The following NRXN3 variants were observed in gnomAD, a reference collection of about 807,000 sequenced individuals.
The protein encoded by NRXN3 is neurexin 3, also known as neurexin III.
Under a neutral mutation model 137.6 loss-of-function variants are expected in NRXN3, and 32 were observed. That is an observed-to-expected ratio of 0.23 (90% CI 0.18 to 0.31). The LOEUF is 0.31. Among genes scored for constraint, NRXN3 ranks in the 10% least tolerant of loss-of-function variants. The pLI is 1.00. For missense variants in NRXN3, 1,574 were observed against 2,062.5 expected, an observed-to-expected ratio of 0.76 and a Z score of 4.59; for synonymous variants, 798 against 784.5, an observed-to-expected ratio of 1.02 and a Z score of -0.29.
At chr14:79,740,155 C>T (rs1029582392) in intron 19 of NRXN3, among the ~76,000 whole-genome samples, 6 of 152,120 alleles carry the variant, frequency 3.9e-5, no homozygotes, top group Non-Finnish European at 8.8e-5. Context: ...CTCCTCCCTC[C>T]CCCTTTATAT....
intron 1 of NRXN3, among the ~76,000 whole-genome samples, chr14:78,224,418 C>T (rs2064234875): frequency 6.6e-6 from 1 of 151,984 alleles, no homozygotes; most frequent in South Asian, 2.1e-4. Context: ...AATGCTATCC[C>T]TCCCCACTCG....
intron 15 of NRXN3, among the ~76,000 whole-genome samples, chr14:79,112,898 A>C (rs1001934540): frequency 2.0e-5 from 3 of 152,184 alleles, no homozygotes; most frequent in African/African-American, 7.2e-5. Context: ...ATGATGAAAA[A>C]GATTAGGCAA....
intron 4 of NRXN3, among the ~76,000 whole-genome samples, chr14:78,575,456 G>T (rs914924336): frequency 1.3e-5 from 2 of 152,178 alleles, no homozygotes; most frequent in African/African-American, 4.8e-5. Flanking sequence ...TCATTGTATG[G>T]TTTAAATAGG....
intron 15 of NRXN3, among the ~76,000 whole-genome samples, chr14:79,252,107 T>C (rs558146554): frequency 1.3e-5 from 2 of 152,346 alleles, no homozygotes; most frequent in South Asian, 2.1e-4. Flanking sequence ...ATAGTTACTT[T>C]AGTTGACAGT....
chr14:78,538,126 GT>G (rs1315083093), intron 4 of NRXN3, among the ~76,000 whole-genome samples: 6 of 152,058 alleles, frequency 3.9e-5, no homozygotes, highest in Admixed American at 2.6e-4. Context: ...CTTTAAAGTA[GT>G]TTTTTTCCAA....
intron 15 of NRXN3, among the ~76,000 whole-genome samples, chr14:79,123,392 G>A (rs1196712706): frequency 6.6e-6 from 1 of 152,122 alleles, no homozygotes; most frequent in Non-Finnish European, 1.5e-5. Flanking sequence ...TGGTATGTCT[G>A]CTAGGAAATA....
At chr14:79,453,188 G>A (rs2153589812) in intron 15 of NRXN3, among the ~76,000 whole-genome samples, 1 of 152,224 alleles carries the variant, frequency 6.6e-6, no homozygotes, top group East Asian at 1.9e-4. Flanking sequence ...AGAACTTTGG[G>A]AGGCAGAGGC....
intron 15 of NRXN3, among the ~76,000 whole-genome samples, chr14:79,013,527 T>A (rs1357757434): frequency 3.3e-5 from 5 of 152,204 alleles, no homozygotes; most frequent in Non-Finnish European, 4.4e-5. Context: ...AGCTTTTGTC[T>A]TTGCAATCCT....
chr14:78,490,493 C>T (rs1273188714), intron 4 of NRXN3, among the ~76,000 whole-genome samples: 2 of 152,190 alleles, frequency 1.3e-5, no homozygotes, highest in African/African-American at 2.4e-5. Flanking sequence ...TTTTCTGCAG[C>T]ATCCCTGCTG....
chr14:79,784,959 G>A (rs1369160400), intron 19 of NRXN3, among the ~76,000 whole-genome samples: 10 of 152,236 alleles, frequency 6.6e-5, no homozygotes, highest in Non-Finnish European at 1.2e-4. Context: ...GAAAAACTCT[G>A]CAGGATGAAT....
chr14:78,359,808 G>A (rs1236334159), intron 4 of NRXN3, among the ~76,000 whole-genome samples: 1 of 152,184 alleles, frequency 6.6e-6, no homozygotes, highest in East Asian at 1.9e-4. Flanking sequence ...CCTGGTGTGA[G>A]TCTGTCTATC....
intron 15 of NRXN3, among the ~76,000 whole-genome samples, chr14:79,172,127 G>C (rs763395052): frequency 6.6e-6 from 1 of 151,720 alleles, no homozygotes; most frequent in African/African-American, 2.4e-5. Context: ...CTCTGCATAG[G>C]GAGCAAACAA....
At position 79,338,231 on chromosome 14, in the gene NRXN3, G is replaced by A. The variant is rs868131579; in HGVS notation, c.3263-128990G>A. On this transcript the variant is annotated intron_variant, in intron 15 of 20. Transcript: ENST00000335750. ...TGTGTGTATGTGAGTGTGTGTGTGT[G>A]TGTGTGTGTGTGTGTGTGTGAAGGA... Among the ~76,000 whole-genome samples the A allele has an allele frequency of 1.1e-4, 16 of 151,442 alleles. No individual in the cohort carries two copies. In the South Asian group the frequency reaches 3.3e-3, roughly 32 times the overall value.
intron 4 of NRXN3, among the ~76,000 whole-genome samples, chr14:78,432,826 A>G (rs1025538847): frequency 1.3e-5 from 2 of 152,182 alleles, no homozygotes; most frequent in Non-Finnish European, 2.9e-5. Context: ...AGGAGTGGAG[A>G]AAACTTAGTG....
intron 15 of NRXN3, among the ~76,000 whole-genome samples, chr14:79,183,535 T>A (rs895943186): frequency 2.0e-5 from 3 of 152,234 alleles, no homozygotes; most frequent in African/African-American, 7.2e-5. Context: ...ATCTTGATTA[T>A]ATGCTCATTA....
chr14:78,901,220 A>G (rs2099195049), intron 10 of NRXN3, among the ~76,000 whole-genome samples: 1 of 151,276 alleles, frequency 6.6e-6, no homozygotes, highest in Non-Finnish European at 1.5e-5. Flanking sequence ...GTATTTCTTG[A>G]ACCATTTTTT....
chr14:78,545,365 G>A (rs565014539), intron 4 of NRXN3, among the ~76,000 whole-genome samples: 3 of 152,244 alleles, frequency 2.0e-5, no homozygotes, highest in African/African-American at 7.2e-5. Context: ...TATGATTTCA[G>A]TACATTTTCC....
At chr14:79,658,076 A>G (rs1048603146) in intron 16 of NRXN3, among the ~76,000 whole-genome samples, 12 of 152,206 alleles carry the variant, frequency 7.9e-5, no homozygotes, top group Non-Finnish European at 1.5e-4. Context: ...GCCTACATAA[A>G]ATATGTAATA....
chr14:79,782,206 A>G (rs751820921), intron 19 of NRXN3, among the ~76,000 whole-genome samples: 6 of 152,200 alleles, frequency 3.9e-5, no homozygotes, highest in Non-Finnish European at 7.3e-5. Flanking sequence ...GTTGACTAAT[A>G]TTTAGAAGAA....
Sources: allele counts gnomAD v4.1 joint callset (sites outside exome capture counted in the v4.1 genomes callset), GRCh38; gene constraint gnomAD v4.1.1; transcripts MANE v1.5; gene names NCBI Gene and HGNC (gene_info 2026-07-23, HGNC 2026-07-21).